TRIO: variants seen among roughly 807,000 people sequenced by gnomAD.
TRIO encodes trio Rho guanine nucleotide exchange factor.
In TRIO, 58 loss-of-function variants were observed where a neutral mutation model predicts 351.9. The ratio of observed to expected loss-of-function variants is 0.16; its 90% CI spans 0.13 to 0.21. The LOEUF (loss-of-function observed/expected upper bound fraction) is 0.21, where lower values mean the gene tolerates loss of function less well. Ranked by LOEUF, TRIO falls within the 10% of genes least tolerant of loss-of-function variation. The pLI, the probability that TRIO is intolerant of heterozygous loss-of-function variation, is 1.00. For missense variants in TRIO, 3,201 were observed against 4,027.8 expected, an observed-to-expected ratio of 0.79 and a Z score of 5.56; for synonymous variants, 1,758 against 1,595.7, an observed-to-expected ratio of 1.10 and a Z score of -2.42.
intron 27 of TRIO, among the ~76,000 whole-genome samples, chr5:14,393,753 A>G (rs999035704): frequency 4.6e-5 from 7 of 152,242 alleles, no homozygotes; most frequent in South Asian, 2.1e-4. Flanking sequence ...TGTAAAGGAC[A>G]TAATTACAAA....
At chr5:14,260,849 A>G (rs1795301683) in intron 1 of TRIO, among the ~76,000 whole-genome samples, 1 of 152,196 alleles carries the variant, frequency 6.6e-6, no homozygotes, top group Non-Finnish European at 1.5e-5. Flanking sequence ...CACTCAGATT[A>G]ATTGATAGCT....
intron 7 of TRIO, among the ~76,000 whole-genome samples, chr5:14,303,178 CCG>C (rs1471771954): frequency 1.6e-5 from 2 of 128,354 alleles, no homozygotes; most frequent in Non-Finnish European, 3.5e-5. Context: ...GGGATGGCTG[CCG>C]CAGGACTGTT....
rs1403729862 is a variant in TRIO, at chr5:14,487,811, C to G, written c.7183C>G (p.Pro2395Ala). The G allele has an allele frequency of 2.7e-6, 4 of 1,455,364 alleles. No individual in the cohort carries two copies. The East Asian group carries it at 1.2e-4, about 45-fold the overall frequency. 90.2% of individuals were successfully genotyped at this position (1,455,364 alleles called of 1,614,324 possible). The change falls in exon 48 of 57, where the codon CCC becomes GCC. Residue 2395 changes from proline (P) to alanine (A), a missense_variant. Transcript: ENST00000344204. ...AGPSAPSRRP[P>A]GADAEGSERE... ...CCCCAGCGCGCCCAGCAGGCGGCCC[C>G]CCGGCGCGGACGCCGAGGGGTCCGA... is the stretch of plus-strand genomic sequence containing the variant.
intron 34 of TRIO, among the ~76,000 whole-genome samples, chr5:14,429,450 C>A (rs1169512609): frequency 6.6e-6 from 1 of 152,094 alleles, no homozygotes; most frequent in South Asian, 2.1e-4. Flanking sequence ...GCTGAAAATG[C>A]AAAGAGAAGG....
At chr5:14,218,042 A>G (rs73748687) in intron 1 of TRIO, among the ~76,000 whole-genome samples, 5,249 of 152,340 alleles carry the variant, frequency 0.034, 310 homozygotes, top group African/African-American at 0.12. Context: ...GATTTTTAGT[A>G]TAACTATAGT....
At chr5:14,364,276 G>A (rs1198339166) in intron 14 of TRIO, among the ~76,000 whole-genome samples, 1 of 152,126 alleles carries the variant, frequency 6.6e-6, no homozygotes, top group Non-Finnish European at 1.5e-5. Context: ...TATAGGTTCA[G>A]AAATGTATTA....
chr5:14,262,699 AT>A (rs1209451531), intron 1 of TRIO, among the ~76,000 whole-genome samples: 3 of 151,844 alleles, frequency 2.0e-5, no homozygotes, highest in Admixed American at 2.0e-4. Context: ...GAGGTAGGGG[AT>A]GGGAGAGAGG....
chr5:14,504,792 G>A (rs536031030), intron 55 of TRIO, 199 bp downstream of exon 55: 91 of 672,890 alleles, frequency 1.4e-4, no homozygotes, highest in East Asian at 7.3e-4. Flanking sequence ...TCCACAGGGC[G>A]GTTGCCTGAT....
In TRIO at chr5:14,368,764, C is replaced by A. The variant is rs1744816505; in HGVS notation, c.2931C>A (p.Ala977=). 3.1e-6 allele frequency: 5 copies of A among 1,614,006 alleles called. No homozygotes were observed. In the East Asian group the frequency reaches 1.1e-4, roughly 36 times the overall value. Residue 977 remains alanine (A), a synonymous_variant, in exon 17 of 57, where the codon GCC becomes GCA. Transcript: ENST00000344204. The part of the protein sequence containing the change: ...VQQKAEAMLQ[A]NHYDMDMIRD... ...AGAAGGCAGAAGCCATGCTACAGGC[C>A]AACCACTACGACATGGACATGATCC...
chr5:14,376,159 C>A (rs1745540781), intron 19 of TRIO, among the ~76,000 whole-genome samples: 1 of 152,182 alleles, frequency 6.6e-6, no homozygotes, highest in African/African-American at 2.4e-5. Flanking sequence ...TCTTACTTAT[C>A]ACAAAGTACA....
chr5:14,262,753 G>A lies in TRIO; in HGVS notation c.158-8072G>A, dbSNP rs944925676. On this transcript the variant is annotated intron_variant, in intron 1 of 56. Coordinates refer to ENST00000344204, the MANE Select transcript of TRIO (RefSeq NM_007118.4). The stretch of plus-strand genomic sequence containing the variant: ...GCCTGGTTCCTGGTTTGGCCACGAG[G>A]TCGATGGTTTATGAGGCAGGTACTG... Among the ~76,000 whole-genome samples, 8 of 152,030 alleles carry A rather than the reference G, an allele frequency of 5.3e-5. No individual in the cohort carries two copies. In the South Asian group the frequency reaches 1.7e-3, roughly 32 times the overall value.
Position 14,508,506 on chromosome 5 carries a change from A to C in TRIO, c.*84A>C, listed in dbSNP as rs1195330576. The C allele has an allele frequency of 1.4e-6, 2 of 1,466,484 alleles. No homozygotes were observed. Among genetic ancestry groups the C allele is most frequent in the East Asian group, 4.6e-5 (2 of 43,912 alleles). 90.8% of individuals were successfully genotyped at this position (1,466,484 alleles called of 1,614,324 possible). A position where few individuals can be genotyped will look rare whatever the true frequency, so the allele number is the denominator to read the frequency against. On this transcript the variant is annotated 3_prime_UTR_variant, in exon 57 of 57. Transcript: ENST00000344204. ...TTTCAAGAGAAAACAAGCAAACATA[A>C]CTGATCAGCTGCCGGTATGTTCATC...
At chr5:14,504,616 C>G (rs761668604) in intron 55 of TRIO, 23 bp downstream of exon 55, 5 of 1,611,884 alleles carry the variant, frequency 3.1e-6, no homozygotes, top group Non-Finnish European at 4.2e-6. Context: ...CTGGCCTTCC[C>G]TCTGCCCAGC....
intron 9 of TRIO, among the ~76,000 whole-genome samples, chr5:14,329,613 CAA>C (rs1465956814): frequency 6.6e-6 from 1 of 152,304 alleles, no homozygotes; most frequent in South Asian, 2.1e-4. Flanking sequence ...GCTGAATGGA[CAA>C]AGAGAGCACC....
rs780823836 is a variant in TRIO at position 14,399,082 on chromosome 5, C to G, written c.4614+12C>G. 2 of 1,610,608 alleles carry G rather than the reference C, an allele frequency of 1.2e-6. No individual in the cohort carries two copies. The highest frequency in any genetic ancestry group is 4.5e-5 in the East Asian group (2 of 44,854). Reference sequence around the variant, plus strand: ...AAAGCAAATTGTTTGTAAGTATAGGCGTTCAGAATTGTAAGTCTAAAGGTA... The same window carrying G: ...AAAGCAAATTGTTTGTAAGTATAGGGGTTCAGAATTGTAAGTCTAAAGGTA... On this transcript the variant is annotated intron_variant, in intron 30 of 56. Transcript: ENST00000344204.
intron 1 of TRIO, among the ~76,000 whole-genome samples, chr5:14,250,099 A>G (rs770480865): frequency 5.3e-5 from 8 of 152,218 alleles, no homozygotes; most frequent in Non-Finnish European, 7.3e-5. Flanking sequence ...AATAAGGGCA[A>G]TTTACACCGA....
chr5:14,402,709 C>T (rs1748185259), intron 31 of TRIO, among the ~76,000 whole-genome samples: 1 of 148,982 alleles, frequency 6.7e-6, no homozygotes. Context: ...GGTATGGGTA[C>T]AGATGGTGGC....
chr5:14,508,894 C>T lies in TRIO; in HGVS notation c.*472C>T, dbSNP rs150609311. The T allele has an allele frequency of 8.4e-4, 139 of 165,366 alleles. No homozygotes were observed. Among genetic ancestry groups the T allele is most frequent in the Non-Finnish European group, 1.4e-3 (104 of 76,070 alleles). The allele number at this position is 165,366 out of a possible 1,614,324, so 10.2% of individuals were successfully genotyped here. A position where few individuals can be genotyped will look rare whatever the true frequency, so the allele number is the denominator to read the frequency against. ...GACCACTCGGCTCTGAGCTTCCAGG[C>T]GCCTCGTCTGTGTGCATCTCACGCC... On this transcript the variant is annotated 3_prime_UTR_variant, in exon 57 of 57. Coordinates refer to ENST00000344204, the MANE Select transcript of TRIO (RefSeq NM_007118.4).
chr5:14,488,463 A>G, intron 48 of TRIO: 1 of 700,648 alleles, frequency 1.4e-6, no homozygotes, highest in South Asian at 2.2e-5. Flanking sequence ...GTGTCTTCTA[A>G]TAAGAGCAAG....
Sources: allele counts gnomAD v4.1 joint callset (sites outside exome capture counted in the v4.1 genomes callset), GRCh38; gene constraint gnomAD v4.1.1; transcripts MANE v1.5; gene names NCBI Gene and HGNC (gene_info 2026-07-23, HGNC 2026-07-21).